The following DLGAP2 variants were observed in gnomAD, a reference collection of about 807,000 sequenced individuals.
DLGAP2 encodes disks large-associated protein 2.
In DLGAP2, 26 loss-of-function variants were observed where a neutral mutation model predicts 100.3. The observed-to-expected ratio is 0.26, with a 90% CI of 0.19 to 0.36. DLGAP2 has a LOEUF of 0.36. Ranked by LOEUF, DLGAP2 falls within the 10% of genes least tolerant of loss-of-function variation. DLGAP2 has a pLI of 1.00. For synonymous variants in DLGAP2, 886 were observed against 630.1 expected, an observed-to-expected ratio of 1.41 and a Z score of -6.08; for missense variants, 1,858 against 1,453.2, an observed-to-expected ratio of 1.28 and a Z score of -4.53.
chr8:923,697 TTTGAACTGAA>T (rs1263720579), intron 2 of DLGAP2, among the ~76,000 whole-genome samples: 1 of 152,224 alleles, frequency 6.6e-6, no homozygotes, highest in Admixed American at 6.5e-5. Context: ...AAGCGTTTAA[TTTGAACTGAA>T]TTGAACCTGT....
At chr8:1,523,492 G>T (rs1238746249) in intron 4 of DLGAP2, among the ~76,000 whole-genome samples, 1 of 152,218 alleles carries the variant, frequency 6.6e-6, no homozygotes, top group Non-Finnish European at 1.5e-5. Flanking sequence ...GCCGGATGGG[G>T]CTGTGGAGCT....
intron 3 of DLGAP2, among the ~76,000 whole-genome samples, chr8:1,277,227 T>C (rs1295894194): frequency 6.6e-6 from 1 of 152,034 alleles, no homozygotes; most frequent in Admixed American, 6.5e-5. Flanking sequence ...AGGAGTGACT[T>C]ATAACATGTG....
rs73670435 is a variant in DLGAP2, at chr8:1,088,737, T to G, written c.74-170114T>G. ...ATCCAGCAGGCTATGCAATTCTCAC[T>G]CTCCCCACCCTACTCTCTCCACCCC... On this transcript the variant is annotated intron_variant, in intron 2 of 14. Coordinates refer to ENST00000637795, the MANE Select transcript of DLGAP2 (RefSeq NM_001346810.2). 1.2e-3 allele frequency among the ~76,000 whole-genome samples: 146 copies of G among 122,588 alleles called. 1 individual carries two copies. The highest frequency in any genetic ancestry group is 5.3e-3 in the Middle Eastern group (1 of 190). The allele number at this position is 122,588 out of a possible 152,430, so 80.4% of individuals were successfully genotyped here. A position where few individuals can be genotyped will look rare whatever the true frequency, so the allele number is the denominator to read the frequency against.
intron 6 of DLGAP2, among the ~76,000 whole-genome samples, chr8:1,566,547 A>G (rs139202430): frequency 3.9e-4 from 59 of 152,366 alleles, no homozygotes; most frequent in African/African-American, 1.2e-3. Flanking sequence ...GGTAATGCCA[A>G]GAACTGCCTG....
At position 1,293,411 on chromosome 8, in the gene DLGAP2, A is replaced by C. The variant is rs940380730; in HGVS notation, c.106+34528A>C. Reference sequence around the variant, plus strand: ...CCATGGCTCCTTCCCTGGCAGCAGCAGGCTGGGCTCCCGGACAGCTGAGCC... The same window carrying C: ...CCATGGCTCCTTCCCTGGCAGCAGCCGGCTGGGCTCCCGGACAGCTGAGCC... On this transcript the variant is annotated intron_variant, in intron 3 of 14. Coordinates refer to ENST00000637795, the MANE Select transcript of DLGAP2 (RefSeq NM_001346810.2). Among the ~76,000 whole-genome samples the C allele has an allele frequency of 7.4e-4, 112 of 152,138 alleles. 1 individual carries two copies. Among genetic ancestry groups the C allele is most frequent in the African/African-American group, 2.4e-3 (101 of 41,516 alleles).
chr8:938,219 C>G (rs1313936546), intron 2 of DLGAP2, among the ~76,000 whole-genome samples: 1 of 152,080 alleles, frequency 6.6e-6, no homozygotes, highest in Non-Finnish European at 1.5e-5. Context: ...GGGTCTCTCT[C>G]TGTTGCCCAG....
chr8:1,540,307 C>A (rs1380722182), intron 4 of DLGAP2, among the ~76,000 whole-genome samples: 1 of 152,206 alleles, frequency 6.6e-6, no homozygotes, highest in African/African-American at 2.4e-5. Flanking sequence ...CTGTTTATTG[C>A]CGGTACCACC....
At chr8:896,683 G>C (rs974635109) in intron 1 of DLGAP2, among the ~76,000 whole-genome samples, 2 of 152,052 alleles carry the variant, frequency 1.3e-5, no homozygotes, top group African/African-American at 4.8e-5. Context: ...TCTATGGGAG[G>C]GCATGGCAGG....
intron 3 of DLGAP2, among the ~76,000 whole-genome samples, chr8:1,295,435 G>T (rs912410214): frequency 2.0e-5 from 3 of 152,170 alleles, no homozygotes. Context: ...CCGCCAGGAG[G>T]GGAGGGAAGC....
At chr8:1,331,452 C>T (rs957904905) in intron 3 of DLGAP2, among the ~76,000 whole-genome samples, 2 of 152,152 alleles carry the variant, frequency 1.3e-5, no homozygotes, top group Non-Finnish European at 2.9e-5. Context: ...TTCCAGGCAC[C>T]ATGCCGGGCA....
intron 13 of DLGAP2, among the ~76,000 whole-genome samples, chr8:1,694,348 T>C (rs894949607): frequency 1.3e-5 from 2 of 152,090 alleles, no homozygotes; most frequent in Non-Finnish European, 2.9e-5. Flanking sequence ...CTGCTGGAAG[T>C]TGTTGGTAGG....
intron 2 of DLGAP2, among the ~76,000 whole-genome samples, chr8:946,471 G>A (rs1052620599): frequency 1.5e-4 from 23 of 151,846 alleles, no homozygotes; most frequent in African/African-American, 3.1e-4. Context: ...CACCATATTA[G>A]CCAGGATGGT....
chr8:830,116 C>A (rs1352423070), intron 1 of DLGAP2, among the ~76,000 whole-genome samples: 1 of 152,132 alleles, frequency 6.6e-6, no homozygotes, highest in Non-Finnish European at 1.5e-5. Context: ...TGCCCTCTCA[C>A]CAATATTATA....
intron 4 of DLGAP2, among the ~76,000 whole-genome samples, chr8:1,515,805 A>G (rs1422529728): frequency 6.6e-6 from 1 of 152,208 alleles, no homozygotes; most frequent in East Asian, 1.9e-4. Context: ...CTGCCCCTCC[A>G]GTCTGTTCCC....
chr8:1,565,816 A>G lies in DLGAP2; in HGVS notation c.1364A>G (p.Lys455Arg), dbSNP rs769019798. The change falls in exon 6 of 15, where the codon AAG (lysine) becomes AGG (arginine). Residue 455 changes from lysine to arginine, a missense_variant. Lys to Arg is a conservative substitution (Grantham distance 26). Transcript: ENST00000637795. ...EESGESDSSP[K>R]TSPKSAILPE... is the part of the protein sequence containing the mutation. Reference sequence around the variant, plus strand: ...AGCGGAGAGTCAGACTCCAGCCCCAAGACATCACCAAAGTCGGCAATCCTA... The same window carrying G: ...AGCGGAGAGTCAGACTCCAGCCCCAGGACATCACCAAAGTCGGCAATCCTA... 6.2e-7 allele frequency: 1 copy of G among 1,613,842 alleles called. No individual in the cohort carries two copies. Among genetic ancestry groups the G allele is most frequent in the Admixed American group, 1.7e-5 (1 of 59,990 alleles).
intron 2 of DLGAP2, among the ~76,000 whole-genome samples, chr8:1,027,484 A>G (rs1485076427): frequency 1.3e-5 from 2 of 148,150 alleles, no homozygotes; most frequent in East Asian, 4.1e-4. Context: ...GGCGCCCATT[A>G]TTCTCCAGGT....
chr8:1,087,275 CCT>C (rs935696850), intron 2 of DLGAP2, among the ~76,000 whole-genome samples: 1 of 152,122 alleles, frequency 6.6e-6, no homozygotes, highest in East Asian at 1.9e-4. Flanking sequence ...TGAAGTCTTT[CCT>C]CTCTGTCTCA....
chr8:1,210,053 C>A (rs748446612), intron 2 of DLGAP2, among the ~76,000 whole-genome samples: 15 of 151,910 alleles, frequency 9.9e-5, no homozygotes, highest in African/African-American at 3.4e-4. Flanking sequence ...CAGTGTCTTA[C>A]AACCCCTGAG....
intron 1 of DLGAP2, among the ~76,000 whole-genome samples, chr8:839,907 A>T (rs1037538220): frequency 1.3e-5 from 2 of 151,276 alleles, no homozygotes; most frequent in African/African-American, 4.9e-5. Flanking sequence ...GTCTCCCCAC[A>T]CTCTGGGTTC....
Sources: allele counts gnomAD v4.1 joint callset (sites outside exome capture counted in the v4.1 genomes callset), GRCh38; gene constraint gnomAD v4.1.1; transcripts MANE v1.5; gene names NCBI Gene and HGNC (gene_info 2026-07-23, HGNC 2026-07-21).